The following ANO2 variants were observed in gnomAD, a reference collection of about 807,000 sequenced individuals.
The protein encoded by ANO2 is anoctamin 2, also known as anoctamin-2.
ANO2 carries 101 observed loss-of-function variants against 124.2 expected under a neutral mutation model. The ratio of observed to expected loss-of-function variants is 0.81; its 90% CI spans 0.69 to 0.96. The LOEUF (loss-of-function observed/expected upper bound fraction) is 0.96. Ranked by LOEUF, ANO2 falls within the 40% of genes least tolerant of loss-of-function variation. The pLI, the probability that ANO2 is intolerant of heterozygous loss-of-function variation, is 0.00. For synonymous variants in ANO2, 486 were observed against 482.5 expected (o/e 1.01, Z -0.09); for missense variants, 1,293 against 1,274.5 (o/e 1.01, Z -0.22).
intron 1 of ANO2, among the ~76,000 whole-genome samples, chr12:5,943,390 A>G (rs1412587936): frequency 6.6e-6 from 1 of 152,054 alleles, no homozygotes; most frequent in Non-Finnish European, 1.5e-5. Context: ...CCATTATTGT[A>G]AGTGAAGTAA....
chr12:5,929,422 G>A lies in ANO2; in HGVS notation c.23-6618C>T, dbSNP rs1428911166. ...ACTAGTCTATCTTCTTTCCTCACTC[G>A]TCTACCTTCTTTCCTTATTAGTCAC... On this transcript the variant is annotated intron_variant, in intron 1 of 24. Coordinates refer to ENST00000682330, the MANE Select transcript of ANO2 (RefSeq NM_001364791.2). 8.0e-5 allele frequency among the ~76,000 whole-genome samples: 6 copies of A among 75,090 alleles called. 1 individual carries two copies. The highest frequency in any genetic ancestry group is 1.7e-4 in the Admixed American group (1 of 6,010). 49.3% of individuals were successfully genotyped at this position (75,090 alleles called of 152,430 possible).
chr12:5,828,482 T>C (rs1954057700), intron 6 of ANO2, among the ~76,000 whole-genome samples: 1 of 152,206 alleles, frequency 6.6e-6, no homozygotes, highest in East Asian at 1.9e-4. Flanking sequence ...ATGTTGGTCA[T>C]TGATGTCTTT....
At chr12:5,708,184 CA>C (rs1484432009) in intron 14 of ANO2, among the ~76,000 whole-genome samples, 6 of 152,192 alleles carry the variant, frequency 3.9e-5, no homozygotes, top group African/African-American at 1.4e-4. Flanking sequence ...GAGTAATCTT[CA>C]GTCGTATCTA....
chr12:5,661,834 C>T (rs1322625982), intron 14 of ANO2, among the ~76,000 whole-genome samples: 1 of 152,236 alleles, frequency 6.6e-6, no homozygotes, highest in Non-Finnish European at 1.5e-5. Context: ...ACTACCCCTC[C>T]CTCGCTGTTT....
At chr12:5,717,362 C>T (rs1310156017) in intron 14 of ANO2, among the ~76,000 whole-genome samples, 1 of 152,206 alleles carries the variant, frequency 6.6e-6, no homozygotes, top group African/African-American at 2.4e-5. Flanking sequence ...AATCGTACCT[C>T]AGGGATTTCC....
chr12:5,605,214 C>T (rs897399621), intron 19 of ANO2, among the ~76,000 whole-genome samples: 1 of 152,174 alleles, frequency 6.6e-6, no homozygotes. Context: ...TTCCTGATAC[C>T]TGACAAGGTT....
intron 4 of ANO2, among the ~76,000 whole-genome samples, chr12:5,848,707 A>G (rs1954768458): frequency 6.6e-6 from 1 of 152,246 alleles, no homozygotes; most frequent in Non-Finnish European, 1.5e-5. Context: ...TCCCCAGCAC[A>G]TAGTCCAAAG....
At chr12:5,592,632 TAAAAGCCGTTCTA>T (rs1264364928) in intron 20 of ANO2, among the ~76,000 whole-genome samples, 1 of 152,146 alleles carries the variant, frequency 6.6e-6, no homozygotes. Context: ...TTGCATCTTT[TAAAAGCCGTTCTA>T]AAAAGCAAGA....
chr12:5,614,370 A>T (rs996830931), intron 17 of ANO2, among the ~76,000 whole-genome samples: 12 of 152,190 alleles, frequency 7.9e-5, no homozygotes, highest in Admixed American at 7.9e-4. Flanking sequence ...AGAAAGATCA[A>T]CCATGTTGGT....
chr12:5,638,770 A>G (rs1420677095), intron 15 of ANO2, among the ~76,000 whole-genome samples: 4 of 151,982 alleles, frequency 2.6e-5, no homozygotes, highest in Non-Finnish European at 5.9e-5. Context: ...TGCCTGGCAC[A>G]TGGTCATTTT....
At chr12:5,903,035 T>A (rs1940424737) in intron 3 of ANO2, among the ~76,000 whole-genome samples, 2 of 150,222 alleles carry the variant, frequency 1.3e-5, no homozygotes, top group African/African-American at 4.9e-5. Context: ...GACATGGGGG[T>A]CTTAGCTCTT....
At chr12:5,727,551 A>T (rs906735123) in intron 14 of ANO2, among the ~76,000 whole-genome samples, 2 of 149,826 alleles carry the variant, frequency 1.3e-5, no homozygotes, top group African/African-American at 4.9e-5. Flanking sequence ...CTAACATGAG[A>T]CTTACAGTGA....
intron 19 of ANO2, among the ~76,000 whole-genome samples, chr12:5,608,503 T>G (rs567246442): frequency 6.6e-6 from 1 of 152,030 alleles, no homozygotes; most frequent in Non-Finnish European, 1.5e-5. Context: ...GAATCAGCAG[T>G]GACCAGCTTT....
intron 3 of ANO2, among the ~76,000 whole-genome samples, chr12:5,875,946 G>A (rs1163566200): frequency 6.6e-6 from 1 of 152,072 alleles, no homozygotes; most frequent in Admixed American, 6.5e-5. Context: ...AATGAAAAAC[G>A]AATGAAGGAA....
At chr12:5,795,971 G>A (rs1332151742) in intron 10 of ANO2, among the ~76,000 whole-genome samples, 1 of 152,082 alleles carries the variant, frequency 6.6e-6, no homozygotes, top group Non-Finnish European at 1.5e-5. Context: ...CTCTAGCTTA[G>A]GAGTCATTCC....
chr12:5,796,328 A>T (rs1309159601), intron 10 of ANO2, among the ~76,000 whole-genome samples: 1 of 150,716 alleles, frequency 6.6e-6, no homozygotes. Context: ...GCTCACACTC[A>T]CACACTCATG....
At chr12:5,647,843 A>C in intron 14 of ANO2, 42 bp from the exon 15 acceptor site, 1 of 1,440,318 alleles carries the variant, frequency 6.9e-7, no homozygotes, top group East Asian at 2.3e-5. Context: ...GGAGGCACAA[A>C]TAACAGATAT....
chr12:5,664,653 C>T (rs1947613423), intron 14 of ANO2, among the ~76,000 whole-genome samples: 3 of 152,192 alleles, frequency 2.0e-5, no homozygotes, highest in Non-Finnish European at 4.4e-5. Flanking sequence ...ATCGTATGTT[C>T]TTTTAATCTC....
rs1396057790 is a variant in ANO2, at chr12:5,769,635, G to A, written c.1056-18665C>T. ...CCTACCTGTACATTCCTATCCGTGG[G>A]TGGTGGATGGACCTCCATTAACAGC... is the stretch of plus-strand genomic sequence containing the variant. On this transcript the variant is annotated intron_variant, in intron 10 of 24. Transcript: ENST00000682330. The surrounding 1 kb of genome is among the most constrained non-coding windows in gnomAD (Gnocchi z 4.0). Among the ~76,000 whole-genome samples the A allele has an allele frequency of 1.3e-5, 2 of 152,228 alleles. No individual in the cohort carries two copies. Among genetic ancestry groups the A allele is most frequent in the Admixed American group, 6.5e-5 (1 of 15,276 alleles).
Sources: allele counts gnomAD v4.1 joint callset (sites outside exome capture counted in the v4.1 genomes callset), GRCh38; gene constraint gnomAD v4.1.1; non-coding constraint Gnocchi (gnomAD v3.1); transcripts MANE v1.5; gene names NCBI Gene and HGNC (gene_info 2026-07-23, HGNC 2026-07-21).